The following ANKRD33B variants were observed in gnomAD, a reference collection of about 807,000 sequenced individuals.
ANKRD33B encodes the protein ankyrin repeat domain 33B.
A neutral mutation model predicts 21.5 loss-of-function variants in ANKRD33B; 6 were observed. That is an observed-to-expected ratio of 0.28 (90% CI 0.15 to 0.55). The LOEUF is 0.55. ANKRD33B is among the 20% of genes least tolerant of loss of function. The probability of loss-of-function intolerance (pLI) is 0.94; values close to 1 mark genes in which losing one functional copy is unlikely to be tolerated. For missense variants in ANKRD33B, 698 were observed against 747.2 expected (o/e 0.93, Z 0.77); for synonymous variants, 347 against 342.4 (o/e 1.01, Z -0.15).
chr5:10,589,737 T>C (rs1735642360), intron 1 of ANKRD33B, among the ~76,000 whole-genome samples: 1 of 152,246 alleles, frequency 6.6e-6, no homozygotes, highest in Non-Finnish European at 1.5e-5. Context: ...TAATTTGTCA[T>C]TTAAAAAATC....
intron 2 of ANKRD33B, among the ~76,000 whole-genome samples, chr5:10,632,898 C>G (rs969294130): frequency 1.3e-5 from 2 of 152,152 alleles, no homozygotes; most frequent in Non-Finnish European, 2.9e-5. Flanking sequence ...AGTGATTCTC[C>G]TGCCTCAGCC....
intron 1 of ANKRD33B, among the ~76,000 whole-genome samples, chr5:10,600,664 T>G (rs1735909072): frequency 6.6e-6 from 1 of 152,236 alleles, no homozygotes; most frequent in African/African-American, 2.4e-5. Flanking sequence ...CTTTAATTTA[T>G]TTTGAGAGAG....
intron 1 of ANKRD33B, among the ~76,000 whole-genome samples, chr5:10,565,734 A>G (rs1735034019): frequency 6.6e-6 from 1 of 152,262 alleles, no homozygotes; most frequent in African/African-American, 2.4e-5. Context: ...TCAAGGGAAA[A>G]CTGCAGAGTG....
At chr5:10,634,330 G>T (rs974188424) in intron 2 of ANKRD33B, among the ~76,000 whole-genome samples, 1 of 130,820 alleles carries the variant, frequency 7.6e-6, no homozygotes, top group Non-Finnish European at 1.7e-5. Flanking sequence ...GCAGGGTAGG[G>T]CTTATTGGTG....
At chr5:10,606,135 ATACAGTTGAACAAAG>A in intron 1 of ANKRD33B, among the ~76,000 whole-genome samples, 1 of 152,222 alleles carries the variant, frequency 6.6e-6, no homozygotes, top group East Asian at 1.9e-4. Context: ...GGCAGAGGGA[ATACAGTTGAACAAAG>A]TAGTGGTTTC....
At position 10,634,457 on chromosome 5, in the gene ANKRD33B, A is replaced by ATTTTTT. The variant is rs34515233; in HGVS notation, c.497-3569_497-3564dup. ...CCAAGTTGGACTGGGCTCAAACTAG[A>ATTTTTT]TTTTTTTCTTTTTTTTTTTTGAGAC... On this transcript the variant is annotated intron_variant, in intron 2 of 3. Transcript: ENST00000296657. Among the ~76,000 whole-genome samples the ATTTTTT allele has an allele frequency of 7.4e-4, 105 of 141,868 alleles. 3 individuals are homozygous for ATTTTTT. The highest frequency in any genetic ancestry group is 1.1e-3 in the African/African-American group (41 of 38,238). The allele number at this position is 141,868 out of a possible 152,430, so 93.1% of individuals were successfully genotyped here. A position where few individuals can be genotyped will look rare whatever the true frequency, so the allele number is the denominator to read the frequency against.
At chr5:10,622,815 T>A (rs887474577) in intron 2 of ANKRD33B, among the ~76,000 whole-genome samples, 31 of 150,590 alleles carry the variant, frequency 2.1e-4, no homozygotes, top group Middle Eastern at 3.4e-3. Context: ...TTTATTTTTT[T>A]TTTTTTCTGG....
Position 10,618,780 on chromosome 5 carries a change from C to T in ANKRD33B, c.496+318C>T, listed in dbSNP as rs555710436. Among the ~76,000 whole-genome samples the T allele has an allele frequency of 5.3e-5, 8 of 152,132 alleles. No individual in the cohort carries two copies. In the South Asian group the frequency reaches 1.0e-3, roughly 20 times the overall value. On this transcript the variant is annotated intron_variant, in intron 2 of 3. Coordinates refer to ENST00000296657, the MANE Select transcript of ANKRD33B (RefSeq NM_001164440.2). ...CTGCTCCCGAAGACTGGGGGTGGCA[C>T]GAGGCTGGCAGACCCACCAGTGGAA... is the stretch of plus-strand genomic sequence containing the variant.
At chr5:10,622,093 C>T (rs912242708) in intron 2 of ANKRD33B, among the ~76,000 whole-genome samples, 2 of 152,212 alleles carry the variant, frequency 1.3e-5, no homozygotes, top group Admixed American at 6.5e-5. Flanking sequence ...GTCATAGCAG[C>T]CTGAGCTATA....
Position 10,650,139 on chromosome 5 carries a change from C to A in ANKRD33B, c.*26C>A, listed in dbSNP as rs867744442. 36 of 1,350,532 alleles carry A rather than the reference C, an allele frequency of 2.7e-5. No homozygotes were observed. Among genetic ancestry groups the A allele is most frequent in the Non-Finnish European group, 3.1e-5 (32 of 1,022,726 alleles). The allele number at this position is 1,350,532 out of a possible 1,614,324, so 83.7% of individuals were successfully genotyped here. ...GGGCCCGTGTGCCTGGCGCTGGGGCCGGGGCTGGGGCCGGGGCGGGGCCGC... is the reference window on the plus strand; with the variant it reads ...GGGCCCGTGTGCCTGGCGCTGGGGCAGGGGCTGGGGCCGGGGCGGGGCCGC... On this transcript the variant is annotated 3_prime_UTR_variant, in exon 4 of 4. Coordinates refer to ENST00000296657, the MANE Select transcript of ANKRD33B (RefSeq NM_001164440.2).
intron 1 of ANKRD33B, among the ~76,000 whole-genome samples, chr5:10,610,432 C>T (rs1209320504): frequency 6.6e-6 from 1 of 151,540 alleles, no homozygotes; most frequent in African/African-American, 2.4e-5. Flanking sequence ...TTATCTGGCC[C>T]CACATGTCAA....
intron 2 of ANKRD33B, among the ~76,000 whole-genome samples, chr5:10,635,629 A>G (rs910540960): frequency 1.3e-5 from 2 of 152,226 alleles, no homozygotes; most frequent in Admixed American, 6.5e-5. Context: ...GCTGAGGTCA[A>G]TGGCGAGCTT....
chr5:10,598,726 C>G (rs1735869322), intron 1 of ANKRD33B, among the ~76,000 whole-genome samples: 1 of 152,122 alleles, frequency 6.6e-6, no homozygotes, highest in Admixed American at 6.5e-5. Flanking sequence ...CAGGCATTAG[C>G]TACTACACCT....
chr5:10,587,619 C>T (rs1384861728), intron 1 of ANKRD33B, among the ~76,000 whole-genome samples: 1 of 151,006 alleles, frequency 6.6e-6, no homozygotes, highest in Non-Finnish European at 1.5e-5. Context: ...AACCAGTCAC[C>T]TGTATTCCCA....
At position 10,656,922 on chromosome 5, in the gene ANKRD33B, G is replaced by A. The variant is rs1737501123; in HGVS notation, c.*6809G>A. The A allele has an allele frequency of 6.6e-6, 1 of 151,376 alleles. No individual in the cohort carries two copies. Among genetic ancestry groups the A allele is most frequent in the Non-Finnish European group, 1.5e-5 (1 of 67,880 alleles). The allele number at this position is 151,376 out of a possible 1,614,324, so 9.4% of individuals were successfully genotyped here. A position where few individuals can be genotyped will look rare whatever the true frequency, so the allele number is the denominator to read the frequency against. On this transcript the variant is annotated 3_prime_UTR_variant, in exon 4 of 4. Coordinates refer to ENST00000296657, the MANE Select transcript of ANKRD33B (RefSeq NM_001164440.2). ...CTCTAATCAATGCTAACACAGTTCA[G>A]TTTTTGAGGGAACTAGTTTTGTCAT...
At chr5:10,645,542 G>A (rs577123908) in intron 3 of ANKRD33B, among the ~76,000 whole-genome samples, 4 of 152,292 alleles carry the variant, frequency 2.6e-5, no homozygotes, top group Non-Finnish European at 4.4e-5. Context: ...AAAACAGGCC[G>A]CATTTCTCAG....
rs1737358845 is a variant in ANKRD33B at position 10,651,600 on chromosome 5, A to G, written c.*1487A>G. 6.6e-6 allele frequency: 1 copy of G among 152,272 alleles called. No homozygotes were observed. The highest frequency in any genetic ancestry group is 1.5e-5 in the Non-Finnish European group (1 of 68,028). 9.4% of individuals were successfully genotyped at this position (152,272 alleles called of 1,614,324 possible). ...ATGTGGGTTGTAGAGTGTCTGTCAC[A>G]TATGCACTTTATTTCAGTATTAATT... On this transcript the variant is annotated 3_prime_UTR_variant, in exon 4 of 4. Transcript: ENST00000296657.
intron 1 of ANKRD33B, among the ~76,000 whole-genome samples, chr5:10,614,197 G>A (rs184897064): frequency 6.6e-6 from 1 of 152,230 alleles, no homozygotes; most frequent in East Asian, 1.9e-4. Context: ...GGTGTGGGGA[G>A]GCCAGCCTTT....
At chr5:10,597,498 T>C (rs1735843483) in intron 1 of ANKRD33B, among the ~76,000 whole-genome samples, 1 of 152,140 alleles carries the variant, frequency 6.6e-6, no homozygotes, top group South Asian at 2.1e-4. Context: ...CTAACTATCC[T>C]AAATATATAT....
Sources: gnomAD v4.1 joint callset for allele counts (sites outside exome capture counted in the v4.1 genomes callset) on GRCh38, gnomAD v4.1.1 for gene constraint, MANE v1.5 for transcripts, NCBI Gene and HGNC (gene_info 2026-07-23, HGNC 2026-07-21) for gene names.